Variants in TMC1 observed in about 807,000 individuals in gnomAD.
TMC1 encodes the protein transmembrane channel-like protein 1.
TMC1 carries 84 observed loss-of-function variants against 105.8 expected under a neutral mutation model. That is an observed-to-expected ratio of 0.79 (90% CI 0.67 to 0.95). The LOEUF (loss-of-function observed/expected upper bound fraction) is 0.95, where lower values mean the gene tolerates loss of function less well. TMC1 is among the 40% of genes least tolerant of loss of function. The probability of loss-of-function intolerance (pLI) is 0.00; values close to 1 mark genes in which losing one functional copy is unlikely to be tolerated. For synonymous variants in TMC1, 315 were observed against 311.5 expected, an observed-to-expected ratio of 1.01 and a Z score of -0.12; for missense variants, 817 against 914.1, an observed-to-expected ratio of 0.89 and a Z score of 1.37.
intron 5 of TMC1, chr9:72,656,237 A>G (rs916049391): frequency 4.3e-6 from 2 of 470,584 alleles, no homozygotes; most frequent in Non-Finnish European, 8.2e-6. Flanking sequence ...GCAAGAGTGA[A>G]CAGTGGTGAG....
intron 7 of TMC1, among the ~76,000 whole-genome samples, chr9:72,697,713 A>C (rs1826574273): frequency 6.6e-6 from 1 of 152,072 alleles, no homozygotes. Context: ...TGTGATTCTT[A>C]ATGGAAGTTC....
intron 1 of TMC1, among the ~76,000 whole-genome samples, chr9:72,540,652 G>A (rs1823659908): frequency 1.3e-5 from 2 of 151,842 alleles, no homozygotes; most frequent in Admixed American, 1.3e-4. Context: ...ATTTATTTTT[G>A]TCCCTAGTCA....
intron 2 of TMC1, among the ~76,000 whole-genome samples, chr9:72,583,357 A>C (rs1213757396): frequency 6.6e-6 from 1 of 152,238 alleles, no homozygotes; most frequent in Non-Finnish European, 1.5e-5. Flanking sequence ...TATGCTTTGC[A>C]TTGGTTCTAT....
chr9:72,524,050 G>A (rs1291696512), intron 1 of TMC1, among the ~76,000 whole-genome samples: 1 of 152,112 alleles, frequency 6.6e-6, no homozygotes, highest in Non-Finnish European at 1.5e-5. Flanking sequence ...CGTCAGTGCT[G>A]GGGAGCCCAT....
chr9:72,547,644 A>G (rs550249585), intron 1 of TMC1, among the ~76,000 whole-genome samples: 2 of 152,308 alleles, frequency 1.3e-5, no homozygotes, highest in South Asian at 2.1e-4. Context: ...TGTTCTCAAA[A>G]TGAACATACT....
intron 8 of TMC1, among the ~76,000 whole-genome samples, chr9:72,709,290 C>G (rs1826796105): frequency 6.6e-6 from 1 of 152,048 alleles, no homozygotes; most frequent in African/African-American, 2.4e-5. Flanking sequence ...ATTTTTGCAT[C>G]TATGTTCATC....
chr9:72,623,176 T>TG (rs1825288166), intron 3 of TMC1, among the ~76,000 whole-genome samples: 4 of 130,988 alleles, frequency 3.1e-5, no homozygotes, highest in Admixed American at 2.4e-4. Context: ...TTTTTTTTTT[T>TG]GTCTCATCTT....
At chr9:72,742,229 G>A (rs1235602647) in intron 9 of TMC1, among the ~76,000 whole-genome samples, 3 of 152,050 alleles carry the variant, frequency 2.0e-5, no homozygotes. Context: ...ACAGGGGATC[G>A]ATAAACATTT....
intron 1 of TMC1, among the ~76,000 whole-genome samples, chr9:72,534,047 C>T (rs531513771): frequency 2.3e-4 from 35 of 152,124 alleles, no homozygotes; most frequent in African/African-American, 6.5e-4. Flanking sequence ...GCAGGAGAAT[C>T]GCTTAAACCT....
chr9:72,661,885 A>G (rs1825974009), intron 5 of TMC1, among the ~76,000 whole-genome samples: 2 of 152,256 alleles, frequency 1.3e-5, no homozygotes, highest in South Asian at 2.1e-4. Flanking sequence ...TGACCAGCAC[A>G]TTGTTAGCCT....
intron 23 of TMC1, among the ~76,000 whole-genome samples, chr9:72,831,743 T>C (rs978070969): frequency 6.6e-6 from 1 of 152,018 alleles, no homozygotes; most frequent in Non-Finnish European, 1.5e-5. Context: ...CAGCTTCATC[T>C]ATGTCCCTAC....
intron 6 of TMC1, among the ~76,000 whole-genome samples, chr9:72,691,566 A>G (rs1372782859): frequency 6.6e-6 from 1 of 152,154 alleles, no homozygotes; most frequent in East Asian, 1.9e-4. Flanking sequence ...AATTCTCAAT[A>G]AGAGGGATTT....
intron 6 of TMC1, among the ~76,000 whole-genome samples, chr9:72,690,853 C>T (rs1826453885): frequency 6.6e-6 from 1 of 152,036 alleles, no homozygotes; most frequent in Non-Finnish European, 1.5e-5. Flanking sequence ...TCTGAGGGTC[C>T]ATTTTCTTTC....
intron 12 of TMC1, among the ~76,000 whole-genome samples, chr9:72,755,362 T>C (rs1290359049): frequency 6.6e-6 from 1 of 152,186 alleles, no homozygotes. Context: ...TATTAACCTC[T>C]TTACTTCCTA....
At chr9:72,608,105 CTG>C (rs1311060403) in intron 2 of TMC1, among the ~76,000 whole-genome samples, 1 of 152,132 alleles carries the variant, frequency 6.6e-6, no homozygotes, top group East Asian at 1.9e-4. Context: ...CACCAAGAAT[CTG>C]TATTTCAGAT....
intron 8 of TMC1, among the ~76,000 whole-genome samples, chr9:72,709,063 A>G (rs1009471902): frequency 3.3e-5 from 5 of 152,012 alleles, no homozygotes; most frequent in East Asian, 1.9e-4. Context: ...GAAAGAAGAG[A>G]AAACCACCCC....
At chr9:72,637,819 G>T (rs1246247204) in intron 4 of TMC1, among the ~76,000 whole-genome samples, 1 of 152,190 alleles carries the variant, frequency 6.6e-6, no homozygotes, top group Admixed American at 6.5e-5. Context: ...CTTAGATGTG[G>T]TTGATTCAAA....
At chr9:72,743,275 G>A (rs955113974) in intron 10 of TMC1, among the ~76,000 whole-genome samples, 7 of 150,178 alleles carry the variant, frequency 4.7e-5, no homozygotes, top group Non-Finnish European at 8.9e-5. Context: ...GCTGAGGCAG[G>A]AGAATGGCGT....
intron 13 of TMC1, among the ~76,000 whole-genome samples, chr9:72,784,000 C>T (rs191448507): frequency 1.3e-4 from 20 of 152,184 alleles, no homozygotes; most frequent in Middle Eastern, 3.4e-3. Context: ...TTCTGGATAT[C>T]GGCCCTGGCA....
Sources: gnomAD v4.1 joint callset for allele counts (sites outside exome capture counted in the v4.1 genomes callset) on GRCh38, gnomAD v4.1.1 for gene constraint, MANE v1.5 for transcripts, NCBI Gene and HGNC (gene_info 2026-07-23, HGNC 2026-07-21) for gene names.